ADGRB3: variants seen among roughly 807,000 people sequenced by gnomAD.
ADGRB3 encodes the protein adhesion G protein-coupled receptor B3.
ADGRB3 carries 37 observed loss-of-function variants against 193.4 expected under a neutral mutation model. The ratio of observed to expected loss-of-function variants is 0.19; its 90% confidence interval spans 0.15 to 0.25. The LOEUF is 0.25. Ranked by LOEUF, ADGRB3 falls within the 10% of genes least tolerant of loss-of-function variation. The probability of loss-of-function intolerance (pLI) is 1.00; values close to 1 mark genes in which losing one functional copy is unlikely to be tolerated. For synonymous variants in ADGRB3, 690 were observed against 644.2 expected, an observed-to-expected ratio of 1.07 and a Z score of -1.08; for missense variants, 1,637 against 1,852.9, an observed-to-expected ratio of 0.88 and a Z score of 2.14.
chr6:68,800,395 T>TGTC (rs1290651382), intron 3 of ADGRB3, among the ~76,000 whole-genome samples: 1 of 152,202 alleles, frequency 6.6e-6, no homozygotes, highest in Non-Finnish European at 1.5e-5. Flanking sequence ...TGTGTTTGAC[T>TGTC]GTCTTCCTCT....
chr6:69,243,594 A>G (rs548285639), intron 20 of ADGRB3, among the ~76,000 whole-genome samples: 35 of 152,168 alleles, frequency 2.3e-4, no homozygotes, highest in Middle Eastern at 3.4e-3. Context: ...CAATACACAT[A>G]TCTTCAATGC....
rs75990221 is a variant in ADGRB3, at chr6:68,653,046, A to T, written c.757+13614A>T. On this transcript the variant is annotated intron_variant, in intron 3 of 31. Transcript: ENST00000370598. ...GTTATATGATTGGCTCTGGCTAATG[A>T]GTTGTGAGCAAAAGTGACATTGCTC... Among the ~76,000 whole-genome samples, 292 of 152,224 alleles carry T rather than the reference A, an allele frequency of 1.9e-3. 4 individuals are homozygous for T. Among genetic ancestry groups the T allele is most frequent in the African/African-American group, 6.8e-3 (282 of 41,554 alleles).
intron 21 of ADGRB3, among the ~76,000 whole-genome samples, chr6:69,326,572 A>G (rs1327788903): frequency 6.6e-6 from 1 of 152,170 alleles, no homozygotes; most frequent in Admixed American, 6.6e-5. Context: ...GATGGTGCTA[A>G]AGTATCAGAA....
At chr6:69,346,775 C>T (rs901012685) in intron 26 of ADGRB3, among the ~76,000 whole-genome samples, 4 of 152,126 alleles carry the variant, frequency 2.6e-5, no homozygotes, top group African/African-American at 7.2e-5. Flanking sequence ...TTAGCTCAAC[C>T]ATTGTGGAAG....
chr6:69,128,379 G>A (rs1311035173), intron 17 of ADGRB3, among the ~76,000 whole-genome samples: 1 of 152,114 alleles, frequency 6.6e-6, no homozygotes, highest in Non-Finnish European at 1.5e-5. Flanking sequence ...CAGTTTAATT[G>A]AAGAAAGCTG....
chr6:68,853,309 A>C (rs17200696), intron 3 of ADGRB3, among the ~76,000 whole-genome samples: 42,935 of 151,896 alleles, frequency 0.28, 6,939 homozygotes, highest in Middle Eastern at 0.51. Flanking sequence ...ATAATTGAGT[A>C]AAGATTTCAT....
rs191288053 is a variant in ADGRB3, at chr6:69,091,218, G to T, written c.2480+15180G>T. Among the ~76,000 whole-genome samples, 127 of 152,274 alleles carry T rather than the reference G, an allele frequency of 8.3e-4. 1 individual carries two copies. In the Middle Eastern group the frequency reaches 0.024, roughly 29 times the overall value. The stretch of plus-strand genomic sequence containing the variant: ...AGTGTAAATTCGTTCAGCCATTGTG[G>T]AAGACAGTGTGGCAATTCCTCAAAG... On this transcript the variant is annotated intron_variant, in intron 17 of 31. Coordinates refer to ENST00000370598, the MANE Select transcript of ADGRB3 (RefSeq NM_001704.3).
At chr6:69,311,783 A>T (rs1425209085) in intron 20 of ADGRB3, among the ~76,000 whole-genome samples, 1 of 151,704 alleles carries the variant, frequency 6.6e-6, no homozygotes, top group Non-Finnish European at 1.5e-5. Context: ...TCCATACGAC[A>T]TCTCCAAAAC....
intron 6 of ADGRB3, among the ~76,000 whole-genome samples, chr6:68,951,962 C>G (rs189603178): frequency 5.9e-5 from 9 of 152,194 alleles, no homozygotes; most frequent in African/African-American, 9.6e-5. Context: ...AAAAGCTGTT[C>G]CTTCACATCT....
chr6:68,943,324 A>C (rs924732657), intron 5 of ADGRB3, among the ~76,000 whole-genome samples: 1 of 152,176 alleles, frequency 6.6e-6, no homozygotes, highest in Non-Finnish European at 1.5e-5. Context: ...GTGATGTTAA[A>C]AGTTAATATG....
At chr6:68,651,874 A>G (rs796379547) in intron 3 of ADGRB3, among the ~76,000 whole-genome samples, 6 of 152,246 alleles carry the variant, frequency 3.9e-5, no homozygotes, top group African/African-American at 1.2e-4. Context: ...AGCCACATAC[A>G]AGAAATTAAT....
chr6:68,668,797 C>T (rs571251950), intron 3 of ADGRB3, among the ~76,000 whole-genome samples: 10 of 152,004 alleles, frequency 6.6e-5, no homozygotes, highest in African/African-American at 2.4e-4. Flanking sequence ...TTCTCTCTAC[C>T]TCCAAAGTAT....
chr6:68,926,095 A>G (rs1333687907), intron 3 of ADGRB3, among the ~76,000 whole-genome samples: 3 of 152,154 alleles, frequency 2.0e-5, no homozygotes, highest in Non-Finnish European at 4.4e-5. Flanking sequence ...AGCAAGTTAA[A>G]GAAATGGTTC....
At chr6:68,893,646 T>G (rs1174637072) in intron 3 of ADGRB3, among the ~76,000 whole-genome samples, 1 of 151,792 alleles carries the variant, frequency 6.6e-6, no homozygotes, top group African/African-American at 2.4e-5. Context: ...AGGAACACAC[T>G]ATAAGTATTA....
chr6:68,803,321 T>C (rs1387874930), intron 3 of ADGRB3, among the ~76,000 whole-genome samples: 1 of 152,180 alleles, frequency 6.6e-6, no homozygotes, highest in Non-Finnish European at 1.5e-5. Flanking sequence ...GAGTTCCATA[T>C]TTTTTGCATT....
intron 3 of ADGRB3, among the ~76,000 whole-genome samples, chr6:68,775,145 T>TAAA (rs746086066): frequency 3.5e-5 from 4 of 115,666 alleles, no homozygotes; most frequent in Non-Finnish European, 3.4e-5. Flanking sequence ...AGCTGCTTGT[T>TAAA]AAAAAAAAAA....
intron 3 of ADGRB3, among the ~76,000 whole-genome samples, chr6:68,641,518 GATGTT>G (rs1371686347): frequency 6.6e-6 from 1 of 152,172 alleles, no homozygotes; most frequent in Non-Finnish European, 1.5e-5. Context: ...AGTGCAGTAT[GATGTT>G]AATAGAGTTG....
intron 3 of ADGRB3, among the ~76,000 whole-genome samples, chr6:68,701,187 C>T (rs926856701): frequency 6.6e-6 from 1 of 152,080 alleles, no homozygotes; most frequent in African/African-American, 2.4e-5. Context: ...TTATTTTTGT[C>T]AGCAAGAAAA....
chr6:68,996,074 C>G (rs1769375516), intron 11 of ADGRB3, among the ~76,000 whole-genome samples: 1 of 152,158 alleles, frequency 6.6e-6, no homozygotes, highest in African/African-American at 2.4e-5. Context: ...AATTGGCTAG[C>G]AACTCAGGAT....
Sources: allele counts gnomAD v4.1 joint callset (sites outside exome capture counted in the v4.1 genomes callset), GRCh38; gene constraint gnomAD v4.1.1; transcripts MANE v1.5; gene names NCBI Gene and HGNC (gene_info 2026-07-23, HGNC 2026-07-21).